SNTG1: variants seen among roughly 807,000 people sequenced by gnomAD.
SNTG1 encodes the protein gamma-1-syntrophin.
Under a neutral mutation model 74.7 loss-of-function variants are expected in SNTG1, and 39 were observed. The observed-to-expected ratio is 0.52, with a 90% confidence interval of 0.40 to 0.68. The LOEUF (loss-of-function observed/expected upper bound fraction) is 0.68. SNTG1 is among the 30% of genes least tolerant of loss of function. The probability of loss-of-function intolerance (pLI) is 0.00; values close to 1 mark genes in which losing one functional copy is unlikely to be tolerated. For synonymous variants in SNTG1, 254 were observed against 217.1 expected (o/e 1.17, Z -1.49); for missense variants, 685 against 609.5 (o/e 1.12, Z -1.30).
At chr8:49,922,187 A>T (rs1214971604) in intron 1 of SNTG1, among the ~76,000 whole-genome samples, 1 of 152,106 alleles carries the variant, frequency 6.6e-6, no homozygotes, top group Admixed American at 6.6e-5. Flanking sequence ...GAACAACAGG[A>T]ATTTCCCGAG....
intron 1 of SNTG1, among the ~76,000 whole-genome samples, chr8:50,100,594 A>G (rs942531587): frequency 2.0e-5 from 3 of 152,090 alleles, no homozygotes; most frequent in Admixed American, 1.3e-4. Flanking sequence ...ATATATTAAC[A>G]CAATATTATA....
In SNTG1 at chr8:50,794,794, G is replaced by A. The variant is rs1451190519; in HGVS notation, c.*1965G>A. 2 of 151,740 alleles carry A rather than the reference G, an allele frequency of 1.3e-5. No homozygotes were observed. Among genetic ancestry groups the A allele is most frequent in the Non-Finnish European group, 1.5e-5 (1 of 67,932 alleles). The allele number at this position is 151,740 out of a possible 1,614,324, so 9.4% of individuals were successfully genotyped here. ...ACAATCTGGAAGGCAATATGACATG[G>A]GCTAATTATCCATAAGCAAAAGAAA... On this transcript the variant is annotated 3_prime_UTR_variant, in exon 19 of 19. Transcript: ENST00000642720.
At chr8:49,928,548 A>G (rs935854209) in intron 1 of SNTG1, among the ~76,000 whole-genome samples, 2 of 152,056 alleles carry the variant, frequency 1.3e-5, no homozygotes, top group Admixed American at 6.5e-5. Context: ...CTTAGACTGT[A>G]ATAAATACAC....
At chr8:50,104,003 G>A (rs2080260595) in intron 1 of SNTG1, among the ~76,000 whole-genome samples, 1 of 152,168 alleles carries the variant, frequency 6.6e-6, no homozygotes, top group Admixed American at 6.5e-5. Context: ...GTTCATCAGG[G>A]ATATCAGTCT....
chr8:50,151,713 A>G (rs1403159017), intron 1 of SNTG1, among the ~76,000 whole-genome samples: 1 of 151,922 alleles, frequency 6.6e-6, no homozygotes, highest in Non-Finnish European at 1.5e-5. Context: ...CATGTAGTTG[A>G]TTGGTTTTGA....
At chr8:50,458,088 C>CA (rs2093524258) in intron 8 of SNTG1, 1 of 152,062 alleles carries the variant, frequency 6.6e-6, no homozygotes, top group Non-Finnish European at 1.5e-5. Context: ...GAATCCTGTA[C>CA]CCAACGCTGT....
intron 18 of SNTG1, among the ~76,000 whole-genome samples, chr8:50,754,945 C>G (rs2095576615): frequency 6.6e-6 from 1 of 151,496 alleles, no homozygotes; most frequent in Non-Finnish European, 1.5e-5. Context: ...TTTAAATAGA[C>G]TTTAGTTTTT....
At chr8:50,221,449 TA>T (rs1462434271) in intron 2 of SNTG1, among the ~76,000 whole-genome samples, 1 of 148,820 alleles carries the variant, frequency 6.7e-6, no homozygotes, top group Non-Finnish European at 1.5e-5. Flanking sequence ...AATAGAATAT[TA>T]ATAAAAAATA....
intron 2 of SNTG1, among the ~76,000 whole-genome samples, chr8:50,179,188 C>A (rs1428897378): frequency 1.3e-5 from 2 of 152,082 alleles, no homozygotes; most frequent in Admixed American, 1.3e-4. Context: ...ATGCCAGTAC[C>A]ATATTGTTCT....
chr8:49,994,421 A>ATTTTT (rs35821274), intron 1 of SNTG1, among the ~76,000 whole-genome samples: 1 of 135,128 alleles, frequency 7.4e-6, no homozygotes, highest in Non-Finnish European at 1.6e-5. Context: ...ATGCCCGGCT[A>ATTTTT]TTTTTTTTTT....
intron 1 of SNTG1, among the ~76,000 whole-genome samples, chr8:50,062,193 G>A (rs1306735568): frequency 1.3e-5 from 2 of 152,028 alleles, no homozygotes; most frequent in African/African-American, 4.8e-5. Context: ...ATAGGTGCAT[G>A]TCACCACTCC....
At chr8:50,465,694 T>A (rs1220278865) in intron 8 of SNTG1, among the ~76,000 whole-genome samples, 1 of 152,216 alleles carries the variant, frequency 6.6e-6, no homozygotes, top group African/African-American at 2.4e-5. Flanking sequence ...GTAATTAAAA[T>A]TGTGAAAATC....
chr8:49,945,648 G>A (rs1809111284), intron 1 of SNTG1, among the ~76,000 whole-genome samples: 1 of 152,188 alleles, frequency 6.6e-6, no homozygotes, highest in Non-Finnish European at 1.5e-5. Context: ...TTGCCTGCCA[G>A]GGCCCAGGCT....
chr8:50,320,409 ATAGT>A (rs1164680061), intron 2 of SNTG1, among the ~76,000 whole-genome samples: 4 of 151,824 alleles, frequency 2.6e-5, no homozygotes, highest in South Asian at 2.1e-4. Flanking sequence ...TCTTTTTTTC[ATAGT>A]TAGTCTGACT....
intron 2 of SNTG1, among the ~76,000 whole-genome samples, chr8:50,174,886 G>A (rs1056691857): frequency 4.6e-5 from 5 of 109,574 alleles, no homozygotes; most frequent in Admixed American, 1.4e-4. Context: ...AACAGTCCCC[G>A]GTGTGTGATG....
At chr8:50,625,829 CAA>C (rs2094952893) in intron 13 of SNTG1, among the ~76,000 whole-genome samples, 1 of 152,088 alleles carries the variant, frequency 6.6e-6, no homozygotes, top group Non-Finnish European at 1.5e-5. Context: ...TTAAAAATGA[CAA>C]GAGTTTTCTG....
intron 12 of SNTG1, among the ~76,000 whole-genome samples, chr8:50,572,982 AT>A (rs2094557489): frequency 1.3e-5 from 2 of 152,264 alleles, no homozygotes; most frequent in South Asian, 4.1e-4. Flanking sequence ...TGCATTGTCC[AT>A]CTGGAGAGCA....
At chr8:50,564,941 C>T (rs960293602) in intron 12 of SNTG1, among the ~76,000 whole-genome samples, 2 of 152,056 alleles carry the variant, frequency 1.3e-5, no homozygotes, top group Non-Finnish European at 2.9e-5. Flanking sequence ...AAATATACAA[C>T]TTTGGAGTGG....
At chr8:50,623,323 G>C (rs1009802055) in intron 13 of SNTG1, among the ~76,000 whole-genome samples, 19 of 151,986 alleles carry the variant, frequency 1.3e-4, no homozygotes, top group Non-Finnish European at 2.5e-4. Flanking sequence ...CATGGCCTTT[G>C]CTTTGTTGAA....
Sources: gnomAD v4.1 joint callset for allele counts (sites outside exome capture counted in the v4.1 genomes callset) on GRCh38, gnomAD v4.1.1 for gene constraint, MANE v1.5 for transcripts, NCBI Gene and HGNC (gene_info 2026-07-23, HGNC 2026-07-21) for gene names.